GAREM1: variants seen among roughly 807,000 people sequenced by gnomAD.
GAREM1 encodes GRB2 associated regulator of MAPK1 subtype 1, also known as GRB2-associated and regulator of MAPK protein 1.
In GAREM1, 26 loss-of-function variants were observed where a neutral mutation model predicts 71.3. The observed-to-expected ratio is 0.36, with a 90% CI of 0.27 to 0.51. GAREM1 has a LOEUF of 0.51. Ranked by LOEUF, GAREM1 falls within the 20% of genes least tolerant of loss-of-function variation. GAREM1 has a pLI of 0.95. For missense variants in GAREM1, 1,026 were observed against 1,103.1 expected (o/e 0.93, Z 0.99); for synonymous variants, 440 against 433.2 (o/e 1.02, Z -0.20).
At chr18:32,268,793 A>G (rs1440300531) in intron 5 of GAREM1, 25 bp from the exon 6 acceptor site, 1 of 1,591,650 alleles carries the variant, frequency 6.3e-7, no homozygotes, top group East Asian at 2.2e-5. Flanking sequence ...CAGAAGGAGA[A>G]ATCAGTTAAA....
At chr18:32,422,925 G>A (rs1320007118) in intron 1 of GAREM1, among the ~76,000 whole-genome samples, 1 of 152,224 alleles carries the variant, frequency 6.6e-6, no homozygotes, top group Non-Finnish European at 1.5e-5. Context: ...AGTGGCGACA[G>A]CAAGACTAGA....
intron 2 of GAREM1, among the ~76,000 whole-genome samples, chr18:32,379,598 G>A (rs1010409398): frequency 1.3e-5 from 2 of 151,816 alleles, no homozygotes; most frequent in Non-Finnish European, 2.9e-5. Context: ...CAGCTACTCA[G>A]GAGGCTGAGG....
intron 2 of GAREM1, among the ~76,000 whole-genome samples, chr18:32,313,818 G>A (rs983262080): frequency 6.6e-6 from 1 of 152,082 alleles, no homozygotes; most frequent in Non-Finnish European, 1.5e-5. Flanking sequence ...GCTGCCACCT[G>A]AAAGGGCTTC....
At chr18:32,460,115 TAA>T (rs35244955) in intron 1 of GAREM1, among the ~76,000 whole-genome samples, 25,225 of 133,150 alleles carry the variant, frequency 0.19, 2,396 homozygotes, top group African/African-American at 0.25. Context: ...TCATCTTATT[TAA>T]AAAAAAAAAA....
At chr18:32,399,074 T>A (rs1010978396) in intron 1 of GAREM1, among the ~76,000 whole-genome samples, 1 of 152,162 alleles carries the variant, frequency 6.6e-6, no homozygotes, top group Non-Finnish European at 1.5e-5. Context: ...AAAAACCACA[T>A]GGTTATCTCA....
At chr18:32,276,498 G>A (rs912316466) in intron 4 of GAREM1, among the ~76,000 whole-genome samples, 35 of 152,226 alleles carry the variant, frequency 2.3e-4, no homozygotes, top group African/African-American at 7.5e-4. Flanking sequence ...TCTGGTAAGT[G>A]TGATAAGACA....
rs1176691005 is a variant in GAREM1, at chr18:32,364,012, ATATATATATATATATGT to A, written c.262+28866_262+28882del. ...CATATATACATATATATATATATAT[ATATATATATATATATGT>A]TTTTTTTTTTTTTTTTTTTTTGTGA... On this transcript the variant is annotated intron_variant, in intron 2 of 5. Coordinates refer to ENST00000269209, the MANE Select transcript of GAREM1 (RefSeq NM_001242409.2). 1.7e-3 allele frequency among the ~76,000 whole-genome samples: 88 copies of A among 51,436 alleles called. 3 individuals are homozygous for A. Among genetic ancestry groups the A allele is most frequent in the African/African-American group, 1.0e-2 (88 of 8,826 alleles). 33.7% of individuals were successfully genotyped at this position (51,436 alleles called of 152,430 possible). A position where few individuals can be genotyped will look rare whatever the true frequency, so the allele number is the denominator to read the frequency against.
intron 2 of GAREM1, among the ~76,000 whole-genome samples, chr18:32,333,219 T>A (rs1200674854): frequency 8.2e-6 from 1 of 122,068 alleles, no homozygotes. Context: ...GAGGAGGAGG[T>A]GGAAGAGAGA....
intron 1 of GAREM1, among the ~76,000 whole-genome samples, chr18:32,435,351 A>G (rs887326732): frequency 1.7e-4 from 26 of 152,198 alleles, no homozygotes; most frequent in Non-Finnish European, 3.2e-4. Flanking sequence ...TACAGCTTTG[A>G]TAACTATACT....
chr18:32,362,505 A>G (rs996936708), intron 2 of GAREM1, among the ~76,000 whole-genome samples: 4 of 152,206 alleles, frequency 2.6e-5, no homozygotes, highest in Non-Finnish European at 5.9e-5. Context: ...TGTTTTCTAT[A>G]TATCAGTTTT....
intron 1 of GAREM1, among the ~76,000 whole-genome samples, chr18:32,463,987 T>TAAAA (rs558638151): frequency 1.6e-5 from 2 of 123,318 alleles, no homozygotes; most frequent in African/African-American, 6.1e-5. Flanking sequence ...AGTACGTGGT[T>TAAAA]AAAAAAAAAA....
intron 3 of GAREM1, among the ~76,000 whole-genome samples, chr18:32,300,501 T>C (rs974071806): frequency 1.3e-5 from 2 of 152,234 alleles, no homozygotes; most frequent in African/African-American, 4.8e-5. Flanking sequence ...AAACTGTTTT[T>C]GTGTTTTCGA....
At chr18:32,434,629 T>C (rs1338314210) in intron 1 of GAREM1, among the ~76,000 whole-genome samples, 4 of 151,940 alleles carry the variant, frequency 2.6e-5, no homozygotes, top group Admixed American at 2.0e-4. Context: ...CCATGACTCA[T>C]ACTGATATAA....
intron 2 of GAREM1, among the ~76,000 whole-genome samples, chr18:32,387,705 A>T (rs1405732462): frequency 2.0e-5 from 3 of 152,228 alleles, no homozygotes; most frequent in Admixed American, 6.5e-5. Flanking sequence ...CCCAAAGCAC[A>T]TCTAGATAAT....
At chr18:32,273,240 A>G (rs1598919914) in intron 4 of GAREM1, among the ~76,000 whole-genome samples, 1 of 152,342 alleles carries the variant, frequency 6.6e-6, no homozygotes, top group South Asian at 2.1e-4. Flanking sequence ...AGCACTTTCA[A>G]AATTTTAGAA....
intron 3 of GAREM1, among the ~76,000 whole-genome samples, chr18:32,297,866 G>A (rs1277102805): frequency 2.6e-5 from 4 of 151,848 alleles, no homozygotes; most frequent in Non-Finnish European, 5.9e-5. Context: ...ACAGGGATCC[G>A]GAAACAAAAA....
Position 32,287,704 on chromosome 18 carries a change from G to C in GAREM1, c.893C>G (p.Pro298Arg). The C allele has an allele frequency of 6.2e-7, 1 of 1,614,194 alleles. No individual in the cohort carries two copies. The highest frequency in any genetic ancestry group is 8.5e-7 in the Non-Finnish European group (1 of 1,180,040). ...GAACTTGGGGACAGTCAAGTGCAAA[G>C]GAAAGTGCATGGGGAGGATCTTGTT... The part of the protein sequence containing the change: ...RNNKILPMHF[P>R]LHLTVPKFSL... Residue 298 changes from proline to arginine, a missense_variant, in exon 4 of 6, where the codon CCT (proline) becomes CGT (arginine). Physicochemically the swap from Pro to Arg is moderately radical, Grantham distance 103. This residue lies in a region of GAREM1 where 218 missense variants were observed against 296.8 expected (regional missense o/e 0.73). Transcript: ENST00000269209. This position sits in a 1 kb window ranked among gnomAD's most constrained non-coding sequence, Gnocchi z 5.9.
rs747179347 is a variant in GAREM1 at position 32,287,503 on chromosome 18, T to C, written c.1094A>G (p.His365Arg). ...KSPKKGRCSG[H>R]NHVPNSLSYA... ...GCTGAGCGAATTGGGCACGTGGTTG[T>C]GGCCAGAGCACCGACCCTTCTTGGG... Residue 365 changes from histidine to arginine, a missense_variant, in exon 4 of 6, where the codon CAC (histidine) becomes CGC (arginine). By Grantham distance (29) the His-to-Arg change is conservative. This residue lies in a region of GAREM1 where 636 missense variants were observed against 631.2 expected (regional missense o/e 1.01). Transcript: ENST00000269209. The surrounding 1 kb of genome is among the most constrained non-coding windows in gnomAD (Gnocchi z 5.9). The C allele has an allele frequency of 1.9e-5, 30 of 1,614,102 alleles. No individual in the cohort carries two copies. Among genetic ancestry groups the C allele is most frequent in the Non-Finnish European group, 8.5e-6 (10 of 1,180,038 alleles).
intron 1 of GAREM1, among the ~76,000 whole-genome samples, chr18:32,452,615 A>G (rs76496131): frequency 7.3e-4 from 111 of 152,246 alleles, no homozygotes; most frequent in Non-Finnish European, 1.3e-3. Context: ...CTAAGCACCT[A>G]CCTACTCAGT....
Sources: allele counts gnomAD v4.1 joint callset (sites outside exome capture counted in the v4.1 genomes callset), GRCh38; gene constraint gnomAD v4.1.1; regional missense constraint gnomAD v4.1.1; non-coding constraint Gnocchi (gnomAD v3.1); transcripts MANE v1.5; gene names NCBI Gene and HGNC (gene_info 2026-07-23, HGNC 2026-07-21).